Variants in WTAP observed in about 807,000 individuals in gnomAD.
WTAP encodes the protein pre-mRNA-splicing regulator WTAP.
A neutral mutation model predicts 50.0 loss-of-function variants in WTAP; 8 were observed. That is an observed-to-expected ratio of 0.16 (90% CI 0.09 to 0.29). The LOEUF is 0.29. Ranked by LOEUF, WTAP falls within the 10% of genes least tolerant of loss-of-function variation. The pLI is 1.00. For missense variants in WTAP, 295 were observed against 470.7 expected (o/e 0.63, Z 3.45); for synonymous variants, 194 against 169.0 (o/e 1.15, Z -1.15).
chr6:159,751,710 T>C (rs1023710982), intron 6 of WTAP, among the ~76,000 whole-genome samples: 11 of 152,230 alleles, frequency 7.2e-5, no homozygotes, highest in Non-Finnish European at 2.9e-5. Context: ...GGTTGAACTC[T>C]TCAGGTATTT....
intron 1 of WTAP, among the ~76,000 whole-genome samples, chr6:159,728,936 T>G (rs576035902): frequency 6.6e-6 from 1 of 152,372 alleles, no homozygotes; most frequent in African/African-American, 2.4e-5. Flanking sequence ...AGGATAAAAG[T>G]AATAATAATA....
At chr6:159,747,380 C>T (rs961751855) in intron 5 of WTAP, among the ~76,000 whole-genome samples, 1 of 152,104 alleles carries the variant, frequency 6.6e-6, no homozygotes, top group African/African-American at 2.4e-5. Flanking sequence ...TGGCACTGAA[C>T]TAAACAGTTG....
chr6:159,735,612 G>A (rs1022397732), intron 1 of WTAP, among the ~76,000 whole-genome samples: 7 of 152,118 alleles, frequency 4.6e-5, no homozygotes, highest in Non-Finnish European at 1.0e-4. Flanking sequence ...AGCCAGGTGT[G>A]GTGGCACGCA....
intron 1 of WTAP, among the ~76,000 whole-genome samples, chr6:159,734,895 AT>A (rs1458425318): frequency 1.3e-5 from 2 of 151,566 alleles, no homozygotes; most frequent in Non-Finnish European, 2.9e-5. Flanking sequence ...TTTATTACAC[AT>A]TTTTTCTTTG....
chr6:159,726,954 C>T, upstream of WTAP: 5 of 1,287,198 alleles, frequency 3.9e-6, no homozygotes, highest in Non-Finnish European at 5.1e-6. Context: ...CACGGATGAG[C>T]GTCACGAACA....
chr6:159,735,905 G>A (rs930571032), intron 1 of WTAP, among the ~76,000 whole-genome samples: 9 of 152,046 alleles, frequency 5.9e-5, no homozygotes, highest in Non-Finnish European at 1.2e-4. Flanking sequence ...AGCAACATGC[G>A]TAGGATACTA....
At chr6:159,737,455 G>A in intron 2 of WTAP, among the ~76,000 whole-genome samples, 1 of 151,980 alleles carries the variant, frequency 6.6e-6, no homozygotes, top group East Asian at 1.9e-4. Context: ...AAAAATTTAA[G>A]TGTCTTGTAA....
intron 1 of WTAP, among the ~76,000 whole-genome samples, 155 bp from the exon 2 acceptor site, chr6:159,736,103 A>G (rs1349107114): frequency 6.6e-6 from 1 of 152,172 alleles, no homozygotes; most frequent in Admixed American, 6.5e-5. Flanking sequence ...TTTTTTGTAA[A>G]TCTAAAACTA....
chr6:159,742,066 T>C (rs1390076329), intron 3 of WTAP, 22 bp from the exon 4 acceptor site: 5 of 1,544,296 alleles, frequency 3.2e-6, no homozygotes, highest in South Asian at 1.2e-5. Context: ...TAACAACTAA[T>C]GTATGGATTT....
intron 4 of WTAP, among the ~76,000 whole-genome samples, chr6:159,743,378 C>T (rs1354897170): frequency 1.3e-5 from 2 of 152,212 alleles, no homozygotes; most frequent in Non-Finnish European, 2.9e-5. Context: ...TTAAAACATA[C>T]TAATCAGGAT....
chr6:159,743,541 A>T, intron 4 of WTAP, 124 bp from the exon 5 acceptor site: 1 of 958,688 alleles, frequency 1.0e-6, no homozygotes, highest in Non-Finnish European at 1.5e-6. Flanking sequence ...GCCTGTTATA[A>T]AAGTAGTTAG....
intron 1 of WTAP, among the ~76,000 whole-genome samples, chr6:159,732,886 A>ATAGTGTGTGTGTGTGTGT (rs146623701): frequency 2.3e-4 from 33 of 146,486 alleles, no homozygotes; most frequent in African/African-American, 8.1e-4. Context: ...ATATATATAT[A>ATAGTGTGTGTGTGTGTGT]GTGTGTGTGT....
Position 159,753,541 on chromosome 6 carries a change from A to T in WTAP, c.534A>T (p.Gly178=), listed in dbSNP as rs1329569823. The change falls in exon 7 of 8, where the codon GGA becomes GGT. Residue 178 remains glycine, a synonymous_variant. Coordinates refer to ENST00000621533, the MANE Select transcript of WTAP (RefSeq NM_001270531.2). ...AGCTTGGAAGGCAGCTGTCCCAGGGACGTATTGCACAACTTGAAGCAGAGT... is the reference window on the plus strand; with the variant it reads ...AGCTTGGAAGGCAGCTGTCCCAGGGTCGTATTGCACAACTTGAAGCAGAGT... The part of the protein sequence containing the change: ...NQELGRQLSQ[G]RIAQLEAELA... 6.2e-7 allele frequency: 1 copy of T among 1,614,222 alleles called. No homozygotes were observed. Among genetic ancestry groups the T allele is most frequent in the Admixed American group, 1.7e-5 (1 of 60,034 alleles).
chr6:159,733,212 G>A (rs1410033157), intron 1 of WTAP, among the ~76,000 whole-genome samples: 2 of 152,288 alleles, frequency 1.3e-5, no homozygotes, highest in East Asian at 3.9e-4. Context: ...TAGTAATATG[G>A]TTTATGTCTT....
At chr6:159,749,628 CT>C (rs925014944) in intron 6 of WTAP, among the ~76,000 whole-genome samples, 2 of 152,100 alleles carry the variant, frequency 1.3e-5, no homozygotes, top group African/African-American at 4.8e-5. Flanking sequence ...ACACTTGTTA[CT>C]TTTATGACAC....
At chr6:159,742,512 G>A (rs932879095) in intron 4 of WTAP, among the ~76,000 whole-genome samples, 1 of 151,996 alleles carries the variant, frequency 6.6e-6, no homozygotes, top group Non-Finnish European at 1.5e-5. Context: ...ATAAACAGAA[G>A]CAACCAGTAA....
At chr6:159,733,861 A>G (rs543524525) in intron 1 of WTAP, among the ~76,000 whole-genome samples, 1 of 152,306 alleles carries the variant, frequency 6.6e-6, no homozygotes, top group Non-Finnish European at 1.5e-5. Context: ...GGTTGCGGTG[A>G]GCCGAGATCG....
At chr6:159,732,557 G>A (rs563866848) in intron 1 of WTAP, among the ~76,000 whole-genome samples, 6 of 152,274 alleles carry the variant, frequency 3.9e-5, no homozygotes, top group Non-Finnish European at 7.4e-5. Context: ...ATTATTGGCC[G>A]GGCGCAGTAG....
chr6:159,747,486 T>C (rs569742927), intron 5 of WTAP, among the ~76,000 whole-genome samples: 2 of 152,210 alleles, frequency 1.3e-5, no homozygotes, highest in Admixed American at 6.5e-5. Context: ...GGGAAAAATA[T>C]GAATTATACT....
Sources: allele counts gnomAD v4.1 joint callset (sites outside exome capture counted in the v4.1 genomes callset), GRCh38; gene constraint gnomAD v4.1.1; transcripts MANE v1.5; gene names NCBI Gene and HGNC (gene_info 2026-07-23, HGNC 2026-07-21).